The following SORCS1 variants were observed in gnomAD, a reference collection of about 807,000 sequenced individuals.
SORCS1 encodes sortilin related VPS10 domain containing receptor 1.
Under a neutral mutation model 146.1 loss-of-function variants are expected in SORCS1, and 60 were observed. The ratio of observed to expected loss-of-function variants is 0.41; its 90% CI spans 0.33 to 0.51. The LOEUF (loss-of-function observed/expected upper bound fraction) is 0.51, where lower values mean the gene tolerates loss of function less well. SORCS1 is among the 20% of genes least tolerant of loss of function. The pLI is 0.21. For synonymous variants in SORCS1, 637 were observed against 584.0 expected (o/e 1.09, Z -1.31); for missense variants, 1,352 against 1,487.6 (o/e 0.91, Z 1.50).
intron 1 of SORCS1, among the ~76,000 whole-genome samples, chr10:107,125,605 A>T (rs1010288689): frequency 2.6e-5 from 4 of 152,256 alleles, no homozygotes; most frequent in Non-Finnish European, 5.9e-5. Flanking sequence ...TTGGGACTGC[A>T]TCAGAAGGCT....
At chr10:106,910,195 T>C (rs1952079525) in intron 2 of SORCS1, among the ~76,000 whole-genome samples, 2 of 152,256 alleles carry the variant, frequency 1.3e-5, no homozygotes, top group South Asian at 4.1e-4. Context: ...AGTTGATAAC[T>C]GGGCTCTGGA....
At chr10:106,877,231 G>A (rs548277493) in intron 2 of SORCS1, among the ~76,000 whole-genome samples, 1 of 152,066 alleles carries the variant, frequency 6.6e-6, no homozygotes, top group Non-Finnish European at 1.5e-5. Flanking sequence ...TGGTTAATGG[G>A]CTGTAAGAGA....
chr10:106,750,379 A>C (rs13377043), intron 5 of SORCS1, among the ~76,000 whole-genome samples: 33,547 of 151,866 alleles, frequency 0.22, 4,675 homozygotes, highest in East Asian at 0.48. Flanking sequence ...CACACTGCAG[A>C]AGGGGAAATT....
At chr10:106,580,288 C>G (rs545269879) in intron 24 of SORCS1, among the ~76,000 whole-genome samples, 1 of 152,154 alleles carries the variant, frequency 6.6e-6, no homozygotes, top group African/African-American at 2.4e-5. Context: ...CCAAGATGCT[C>G]CAGCCTCTCA....
At chr10:106,752,223 C>T (rs1412437202) in intron 5 of SORCS1, among the ~76,000 whole-genome samples, 2 of 152,126 alleles carry the variant, frequency 1.3e-5, no homozygotes, top group African/African-American at 4.8e-5. Context: ...TACATTTTAT[C>T]TGTGACATCA....
At chr10:107,026,615 C>CA (rs78098595) in intron 1 of SORCS1, among the ~76,000 whole-genome samples, 1,248 of 92,548 alleles carry the variant, frequency 0.013, 7 homozygotes, top group South Asian at 0.041. Flanking sequence ...GAGATGCCAT[C>CA]AAAAAAAAAA....
chr10:106,615,415 C>T (rs547698943), intron 21 of SORCS1, among the ~76,000 whole-genome samples: 1 of 152,324 alleles, frequency 6.6e-6, no homozygotes, highest in South Asian at 2.1e-4. Context: ...CTAACCCCAG[C>T]GTTTACAAAT....
intron 1 of SORCS1, among the ~76,000 whole-genome samples, chr10:106,965,545 T>C (rs1955457662): frequency 1.3e-5 from 2 of 152,244 alleles, no homozygotes; most frequent in Non-Finnish European, 2.9e-5. Context: ...CTATTTGATG[T>C]CTACTCTGTG....
At chr10:107,117,795 T>C (rs915754468) in intron 1 of SORCS1, among the ~76,000 whole-genome samples, 4 of 152,180 alleles carry the variant, frequency 2.6e-5, no homozygotes, top group Admixed American at 2.0e-4. Context: ...AAGCACATAA[T>C]ATGTTTTGTT....
intron 5 of SORCS1, among the ~76,000 whole-genome samples, chr10:106,732,770 C>T (rs1160739883): frequency 6.6e-6 from 1 of 152,166 alleles, no homozygotes; most frequent in Non-Finnish European, 1.5e-5. Flanking sequence ...CTTGTATTAT[C>T]TTTAATGGCA....
At chr10:106,820,961 C>A (rs1454726558) in intron 3 of SORCS1, among the ~76,000 whole-genome samples, 1 of 152,070 alleles carries the variant, frequency 6.6e-6, no homozygotes, top group East Asian at 1.9e-4. Flanking sequence ...ATTTGGCCAG[C>A]CAGACCTCAG....
intron 1 of SORCS1, among the ~76,000 whole-genome samples, chr10:107,134,431 G>T (rs1300554349): frequency 6.6e-6 from 1 of 152,142 alleles, no homozygotes; most frequent in Admixed American, 6.5e-5. Flanking sequence ...GAGGTCAGGA[G>T]ATCGAGACCA....
chr10:106,822,802 T>TG (rs1948118409), intron 3 of SORCS1, among the ~76,000 whole-genome samples: 35 of 140,194 alleles, frequency 2.5e-4, no homozygotes, highest in African/African-American at 9.7e-4. Flanking sequence ...TTTTTTTTTT[T>TG]GAATATTGCT....
At chr10:106,888,470 G>C (rs1201346771) in intron 2 of SORCS1, among the ~76,000 whole-genome samples, 1 of 136,628 alleles carries the variant, frequency 7.3e-6, no homozygotes, top group African/African-American at 2.4e-5. Flanking sequence ...TAAAAGTAGG[G>C]TCAGTATTTA....
chr10:106,867,474 T>TG (rs796902424), intron 2 of SORCS1, among the ~76,000 whole-genome samples: 145 of 152,028 alleles, frequency 9.5e-4, no homozygotes, highest in African/African-American at 3.3e-3. Flanking sequence ...TTAGTAGAGA[T>TG]GGGTTTCACC....
intron 1 of SORCS1, among the ~76,000 whole-genome samples, chr10:106,980,069 C>A (rs1250933288): frequency 5.3e-5 from 8 of 152,160 alleles, no homozygotes; most frequent in Non-Finnish European, 1.5e-5. Context: ...ACCAAAGACT[C>A]TAGAGCAATT....
At chr10:106,680,876 G>C (rs1852387659) in intron 10 of SORCS1, among the ~76,000 whole-genome samples, 1 of 152,068 alleles carries the variant, frequency 6.6e-6, no homozygotes, top group South Asian at 2.1e-4. Flanking sequence ...AATTTATATA[G>C]GATGGAGTAA....
At chr10:106,599,624 T>C (rs912774443) in intron 23 of SORCS1, among the ~76,000 whole-genome samples, 1 of 151,660 alleles carries the variant, frequency 6.6e-6, no homozygotes, top group Non-Finnish European at 1.5e-5. Context: ...TTTATTCAAA[T>C]ATGAAAGACT....
chr10:106,723,842 A>C (rs911096574), intron 6 of SORCS1, among the ~76,000 whole-genome samples: 1 of 152,224 alleles, frequency 6.6e-6, no homozygotes, highest in Non-Finnish European at 1.5e-5. Context: ...CAATCTGAGA[A>C]AGCCTGTGGA....
Sources: gnomAD v4.1 joint callset for allele counts (sites outside exome capture counted in the v4.1 genomes callset) on GRCh38, gnomAD v4.1.1 for gene constraint, MANE v1.5 for transcripts, NCBI Gene and HGNC (gene_info 2026-07-23, HGNC 2026-07-21) for gene names.